CMSS1: variants seen among roughly 807,000 people sequenced by gnomAD.
CMSS1 encodes the protein protein CMSS1.
Under a neutral mutation model 43.5 loss-of-function variants are expected in CMSS1, and 33 were observed. The observed-to-expected ratio is 0.76, with a 90% CI of 0.57 to 1.01. CMSS1 has a LOEUF of 1.01. Among genes scored for constraint, CMSS1 ranks in the 50% least tolerant of loss-of-function variants. CMSS1 has a pLI of 0.00. For missense variants in CMSS1, 313 were observed against 326.4 expected, an observed-to-expected ratio of 0.96 and a Z score of 0.32; for synonymous variants, 115 against 117.2, an observed-to-expected ratio of 0.98 and a Z score of 0.12.
chr3:100,037,998 C>G (rs1268270337), intron 1 of CMSS1, among the ~76,000 whole-genome samples: 1 of 150,070 alleles, frequency 6.7e-6, no homozygotes, highest in Non-Finnish European at 1.5e-5. Flanking sequence ...CTCTGTCGCC[C>G]AGGTGGAGTG....
At chr3:100,172,076 T>TG in intron 7 of CMSS1, 177 bp downstream of exon 7, 1 of 638,746 alleles carries the variant, frequency 1.6e-6, no homozygotes, top group South Asian at 2.0e-5. Context: ...CTCCCCAGTA[T>TG]GGCAGTCGCT....
chr3:100,153,879 C>A (rs2066945921), intron 2 of CMSS1, among the ~76,000 whole-genome samples: 2 of 146,590 alleles, frequency 1.4e-5, no homozygotes, highest in Non-Finnish European at 3.0e-5. Context: ...AAGATGGAGT[C>A]TTGCTCTGTC....
intron 1 of CMSS1, among the ~76,000 whole-genome samples, chr3:100,068,497 A>G (rs766490351): frequency 9.2e-5 from 14 of 152,202 alleles, no homozygotes; most frequent in Admixed American, 2.6e-4. Flanking sequence ...ATATTCATAC[A>G]TCTTGCTATA....
At chr3:100,000,520 T>G (rs774906845) in intron 1 of CMSS1, among the ~76,000 whole-genome samples, 4 of 151,926 alleles carry the variant, frequency 2.6e-5, no homozygotes, top group Admixed American at 1.3e-4. Flanking sequence ...GGGTGAAAAT[T>G]TGATGGGAAG....
At chr3:99,848,345 T>TA in intron 1 of CMSS1, 1 of 1,614,206 alleles carries the variant, frequency 6.2e-7, no homozygotes, top group Non-Finnish European at 8.5e-7. Flanking sequence ...GTGATAGTAA[T>TA]ACTGCTGGTG....
chr3:100,046,183 C>T (rs2065276167), intron 1 of CMSS1, among the ~76,000 whole-genome samples: 1 of 152,128 alleles, frequency 6.6e-6, no homozygotes. Flanking sequence ...ACTGATAACT[C>T]TATGAATCTA....
chr3:100,173,313 G>A (rs1265378336), intron 8 of CMSS1, among the ~76,000 whole-genome samples: 1 of 152,180 alleles, frequency 6.6e-6, no homozygotes, highest in Non-Finnish European at 1.5e-5. Context: ...CTACTTGTAC[G>A]CAGCGCTACG....
intron 5 of CMSS1, among the ~76,000 whole-genome samples, chr3:100,167,529 A>T (rs1194702868): frequency 6.6e-6 from 1 of 152,192 alleles, no homozygotes; most frequent in Non-Finnish European, 1.5e-5. Context: ...GGGACTTGGT[A>T]TGTTTGTTTT....
At chr3:100,140,303 G>T (rs2066794375) in intron 1 of CMSS1, among the ~76,000 whole-genome samples, 1 of 151,904 alleles carries the variant, frequency 6.6e-6, no homozygotes, top group Non-Finnish European at 1.5e-5. Context: ...TATTATTTTG[G>T]TAAGAGGTCT....
rs1046042149 is a variant in CMSS1, at chr3:100,033,598, C to T, written c.65-113375C>T. ...CCTCAACTGCACTCTTAAATTCTTA[C>T]CCTGGAAAGTAGCCTGAAAAGCAGA... On this transcript the variant is annotated intron_variant, in intron 1 of 9. Coordinates refer to ENST00000421999, the MANE Select transcript of CMSS1 (RefSeq NM_032359.4). Among the ~76,000 whole-genome samples, 5 of 152,162 alleles carry T rather than the reference C, an allele frequency of 3.3e-5. No homozygotes were observed. In the South Asian group the frequency reaches 6.2e-4, roughly 19 times the overall value.
intron 1 of CMSS1, among the ~76,000 whole-genome samples, chr3:99,919,357 C>A (rs148495137): frequency 6.7e-6 from 1 of 150,256 alleles, no homozygotes; most frequent in South Asian, 2.2e-4. Flanking sequence ...TTGTTTTACA[C>A]AATGAACAAA....
intron 1 of CMSS1, among the ~76,000 whole-genome samples, chr3:100,066,505 A>G (rs982491527): frequency 7.2e-6 from 1 of 139,432 alleles, no homozygotes; most frequent in Non-Finnish European, 1.5e-5. Context: ...GATGATGTGG[A>G]AGGCTTTGCT....
At chr3:99,910,815 C>T (rs1174157323) in intron 1 of CMSS1, among the ~76,000 whole-genome samples, 1 of 152,196 alleles carries the variant, frequency 6.6e-6, no homozygotes, top group Non-Finnish European at 1.5e-5. Context: ...AGCATCAACA[C>T]ATAACTAGTG....
At chr3:99,889,798 C>T (rs565929972) in intron 1 of CMSS1, among the ~76,000 whole-genome samples, 190 of 152,002 alleles carry the variant, frequency 1.2e-3, no homozygotes, top group Non-Finnish European at 2.1e-3. Flanking sequence ...GTATATTAAT[C>T]CTCCTCCAAA....
chr3:100,145,249 T>C (rs992780788), intron 1 of CMSS1, among the ~76,000 whole-genome samples: 1 of 152,066 alleles, frequency 6.6e-6, no homozygotes, highest in Non-Finnish European at 1.5e-5. Flanking sequence ...AAAACCAGCC[T>C]GGCTAACATG....
intron 8 of CMSS1, among the ~76,000 whole-genome samples, chr3:100,175,653 C>T (rs948121372): frequency 2.0e-5 from 3 of 152,164 alleles, no homozygotes; most frequent in South Asian, 2.1e-4. Context: ...GCTGCAGGTA[C>T]TGTTAACACA....
intron 1 of CMSS1, among the ~76,000 whole-genome samples, chr3:100,014,660 G>T (rs191450882): frequency 6.6e-6 from 1 of 151,798 alleles, no homozygotes; most frequent in Non-Finnish European, 1.5e-5. Flanking sequence ...GTCTTTTCAG[G>T]TTCATTTTTA....
intron 1 of CMSS1, among the ~76,000 whole-genome samples, chr3:99,862,581 A>T (rs1429969281): frequency 6.6e-6 from 1 of 152,202 alleles, no homozygotes; most frequent in Non-Finnish European, 1.5e-5. Flanking sequence ...TACCTACTAA[A>T]TGCCAGGAGC....
chr3:99,924,930 T>C (rs1307837536), intron 1 of CMSS1, among the ~76,000 whole-genome samples: 1 of 152,224 alleles, frequency 6.6e-6, no homozygotes, highest in Non-Finnish European at 1.5e-5. Flanking sequence ...AAATTTTTCT[T>C]GACAGAATAA....
Sources: allele counts gnomAD v4.1 joint callset (sites outside exome capture counted in the v4.1 genomes callset), GRCh38; gene constraint gnomAD v4.1.1; transcripts MANE v1.5; gene names NCBI Gene and HGNC (gene_info 2026-07-23, HGNC 2026-07-21).